RSPH4A: variants seen among roughly 807,000 people sequenced by gnomAD.
RSPH4A encodes radial spoke head protein 4 homolog A.
Under a neutral mutation model 71.0 loss-of-function variants are expected in RSPH4A, and 47 were observed. The observed-to-expected ratio is 0.66, with a 90% CI of 0.52 to 0.84. The LOEUF (loss-of-function observed/expected upper bound fraction) is 0.84. Ranked by LOEUF, RSPH4A falls within the 40% of genes least tolerant of loss-of-function variation. The pLI, the probability that RSPH4A is intolerant of heterozygous loss-of-function variation, is 0.00. For synonymous variants in RSPH4A, 282 were observed against 302.3 expected, an observed-to-expected ratio of 0.93 and a Z score of 0.70; for missense variants, 793 against 855.2, an observed-to-expected ratio of 0.93 and a Z score of 0.91.
chr6:116,628,094 A>G lies in RSPH4A; in HGVS notation c.1387A>G (p.Thr463Ala). ...TGCAAGAAAAATCAAGAAATTTTTC[A>G]CTGGGCGATTGGATGCTCCCATCAT... is the stretch of plus-strand genomic sequence containing the variant. The part of the protein sequence containing the change: ...VIARKIKKFF[T>A]GRLDAPIISY... Residue 463 changes from threonine to alanine, a missense_variant, in exon 3 of 6, where the codon ACT becomes GCT. Coordinates refer to ENST00000229554, the MANE Select transcript of RSPH4A (RefSeq NM_001010892.3). 1 of 1,614,212 alleles carries G rather than the reference A, an allele frequency of 6.2e-7. No homozygotes were observed.
chr6:116,622,197 T>G (rs1775621563), intron 1 of RSPH4A, among the ~76,000 whole-genome samples: 1 of 152,056 alleles, frequency 6.6e-6, no homozygotes, highest in Non-Finnish European at 1.5e-5. Flanking sequence ...GAAAATTGGC[T>G]TTAAAAATAA....
chr6:116,623,032 A>T (rs774544318), intron 2 of RSPH4A, 30 bp downstream of exon 2: 1 of 1,302,076 alleles, frequency 7.7e-7, no homozygotes, highest in South Asian at 1.2e-5. Flanking sequence ...TTTAATAATA[A>T]ACCTTAGGAT....
rs756359805 is a variant in RSPH4A, at chr6:116,629,658, AGGAAGTG to A, written c.1757_1763del (p.Glu586GlyfsTer5). The A allele has an allele frequency of 7.4e-6, 12 of 1,613,392 alleles. No homozygotes were observed. In the Admixed American group the frequency reaches 1.8e-4, roughly 25 times the overall value. Reference sequence around the variant, plus strand: ...AAAGACGATTCTGACTACATAGAACAGGAAGTGGGGCTTCCTCTTTTGACACCAATCT... The same window carrying A: ...AAAGACGATTCTGACTACATAGAACAGGGCTTCCTCTTTTGACACCAATCT... On this transcript the variant is annotated frameshift_variant, in exon 4 of 6. Coordinates refer to ENST00000229554, the MANE Select transcript of RSPH4A (RefSeq NM_001010892.3). LOFTEE classifies it high-confidence loss of function.
At position 116,632,188 on chromosome 6, in the gene RSPH4A, T is replaced by C; in HGVS notation, c.1917-19T>C. ...ATTATATAATGATCTTTTTTTCTTC[T>C]TCTTTTTCTTACTTATAGAAAGTTT... On this transcript the variant is annotated intron_variant, in intron 5 of 5. Transcript: ENST00000229554. The C allele has an allele frequency of 6.4e-7, 1 of 1,563,828 alleles. No homozygotes were observed. Among genetic ancestry groups the C allele is most frequent in the Non-Finnish European group, 8.7e-7 (1 of 1,145,150 alleles).
chr6:116,629,821 A>C, intron 4 of RSPH4A, 119 bp downstream of exon 4: 36 of 882,344 alleles, frequency 4.1e-5, no homozygotes, highest in East Asian at 7.3e-5. Context: ...CCAAGGTCTC[A>C]TCCTCTTCCC....
At chr6:116,619,303 T>C (rs1292124995) in intron 1 of RSPH4A, among the ~76,000 whole-genome samples, 1 of 152,158 alleles carries the variant, frequency 6.6e-6, no homozygotes, top group Admixed American at 6.5e-5. Flanking sequence ...CTCCTTGATA[T>C]GGGGCAGGAC....
At chr6:116,623,047 T>C (rs760407237) in intron 2 of RSPH4A, 45 bp downstream of exon 2, 55 of 1,173,604 alleles carry the variant, frequency 4.7e-5, no homozygotes, top group Non-Finnish European at 6.7e-5. Context: ...TAGGATTTTA[T>C]TTGGGACGAA....
At chr6:116,617,441 T>C in intron 1 of RSPH4A, 132 bp downstream of exon 1, 1 of 672,088 alleles carries the variant, frequency 1.5e-6, no homozygotes. Flanking sequence ...AGAGAGTTAA[T>C]GACATAACTC....
rs141035048 is a variant in RSPH4A at position 116,621,414 on chromosome 6, G to A, written c.687-1354G>A. 2.2e-3 allele frequency among the ~76,000 whole-genome samples: 341 copies of A among 152,128 alleles called. 2 individuals carry two copies. The highest frequency in any genetic ancestry group is 7.7e-3 in the African/African-American group (320 of 41,496). On this transcript the variant is annotated intron_variant, in intron 1 of 5. Transcript: ENST00000229554. ...AAGAAAAAACGAAAAATATAGCTTAGGTCAATTAATAGAAAGTAGACAATT... is the reference window on the plus strand; with the variant it reads ...AAGAAAAAACGAAAAATATAGCTTAAGTCAATTAATAGAAAGTAGACAATT...
rs534111713 is a variant in RSPH4A at position 116,616,606 on chromosome 6, T to TTCACGCCCC, written c.-17_-16insCACGCCCCT. 1,267 of 1,600,770 alleles carry TTCACGCCCC rather than the reference T, an allele frequency of 7.9e-4. 8 individuals carry two copies. The African/African-American group carries it at 0.015, about 19-fold the overall frequency. On this transcript the variant is annotated 5_prime_UTR_variant, in exon 1 of 6. Coordinates refer to ENST00000229554, the MANE Select transcript of RSPH4A (RefSeq NM_001010892.3). ...ACGCCCCTTTCATCCAGAACATTTTTTTTCTTGAACTGCTTCCATGGAGGA... is the reference window on the plus strand; with the variant it reads ...ACGCCCCTTTCATCCAGAACATTTTTTCACGCCCCTTTCTTGAACTGCTTCCATGGAGGA...
Position 116,632,390 on chromosome 6 carries a change from T to C in RSPH4A, c.2100T>C (p.Ala700=), listed in dbSNP as rs762906116. 1.9e-6 allele frequency: 3 copies of C among 1,613,972 alleles called. No homozygotes were observed. The highest frequency in any genetic ancestry group is 1.7e-6 in the Non-Finnish European group (2 of 1,179,936). The change falls in exon 6 of 6, where the codon GCT becomes GCC. Residue 700 remains alanine (A), a synonymous_variant. Coordinates refer to ENST00000229554, the MANE Select transcript of RSPH4A (RefSeq NM_001010892.3). ...CACAAGAAGCAGTTCTACTCGCAGC[T>C]GAGAATGAAGAATCTGAGGAAGATG... ...RAAQEAVLLA[A]ENEESEEDED...
In RSPH4A at chr6:116,627,669, A is replaced by AT. The variant is rs1389917069; in HGVS notation, c.966dup (p.Glu323Ter). The AT allele has an allele frequency of 6.2e-7, 1 of 1,614,210 alleles. No individual in the cohort carries two copies. On this transcript the variant is annotated frameshift_variant, in exon 3 of 6. Transcript: ENST00000229554. LOFTEE classifies it high-confidence loss of function. Reference sequence around the variant, plus strand: ...CCAAATGTAATGGAGTCAGCTTTTTATTTTGAACAAGCTGGAGTTGGTTTG... The same window carrying AT: ...CCAAATGTAATGGAGTCAGCTTTTTATTTTTGAACAAGCTGGAGTTGGTTTG...
At chr6:116,626,859 A>G (rs1456262931) in intron 2 of RSPH4A, among the ~76,000 whole-genome samples, 1 of 152,184 alleles carries the variant, frequency 6.6e-6, no homozygotes, top group Non-Finnish European at 1.5e-5. Flanking sequence ...ACAGGATACT[A>G]TATTTTTAGT....
intron 2 of RSPH4A, among the ~76,000 whole-genome samples, chr6:116,625,963 A>C (rs1156611714): frequency 6.6e-6 from 1 of 152,232 alleles, no homozygotes. Context: ...TATCACTTGA[A>C]GTGGTGTGGA....
chr6:116,632,523 TTATG>T lies in RSPH4A; in HGVS notation c.*84_*87del, dbSNP rs1775824477. 6.5e-7 allele frequency: 1 copy of T among 1,537,454 alleles called. No homozygotes were observed. Reference sequence around the variant, plus strand: ...GGGACTAATTTTACACTTTTCTGTGTTATGTGTGTATATACATACACATGTAAGA... The same window carrying T: ...GGGACTAATTTTACACTTTTCTGTGTTGTGTATATACATACACATGTAAGA... On this transcript the variant is annotated 3_prime_UTR_variant, in exon 6 of 6. Coordinates refer to ENST00000229554, the MANE Select transcript of RSPH4A (RefSeq NM_001010892.3).
At chr6:116,631,719 A>G (rs1468041664) in intron 5 of RSPH4A, among the ~76,000 whole-genome samples, 4 of 152,182 alleles carry the variant, frequency 2.6e-5, no homozygotes, top group African/African-American at 4.8e-5. Flanking sequence ...TCCCGTAAAG[A>G]CAGCAGTGCA....
At position 116,632,631 on chromosome 6, in the gene RSPH4A, A is replaced by C. The variant is rs1281847568; in HGVS notation, c.*190A>C. 1 of 692,004 alleles carries C rather than the reference A, an allele frequency of 1.4e-6. No individual in the cohort carries two copies. The highest frequency in any genetic ancestry group is 2.3e-6 in the Non-Finnish European group (1 of 433,460). 42.9% of individuals were successfully genotyped at this position (692,004 alleles called of 1,614,324 possible). On this transcript the variant is annotated 3_prime_UTR_variant, in exon 6 of 6. Transcript: ENST00000229554. ...GTAGAAATATTAGCATTTTTATTGAAAGATACTCACAGGATTTTCCAGAGG... is the reference window on the plus strand; with the variant it reads ...GTAGAAATATTAGCATTTTTATTGACAGATACTCACAGGATTTTCCAGAGG...
chr6:116,626,531 T>C (rs784130), intron 2 of RSPH4A, among the ~76,000 whole-genome samples: 87,366 of 151,588 alleles, frequency 0.58, 25,348 homozygotes, highest in South Asian at 0.65. Flanking sequence ...TTAGTAGAGA[T>C]GGGGTTTCAC....
chr6:116,630,327 CTGTGTGTGTGCATGCATGTG>C, intron 4 of RSPH4A, 88 bp from the exon 5 acceptor site: 1 of 765,356 alleles, frequency 1.3e-6, no homozygotes, highest in Non-Finnish European at 2.4e-6. Context: ...ATGTGTGTAT[CTGTGTGTGTGCATGCATGTG>C]TGTGTGTGTG....
Sources: allele counts gnomAD v4.1 joint callset (sites outside exome capture counted in the v4.1 genomes callset), GRCh38; gene constraint gnomAD v4.1.1; transcripts MANE v1.5; gene names NCBI Gene and HGNC (gene_info 2026-07-23, HGNC 2026-07-21).